The following PCDHB5 variants were observed in gnomAD, a reference collection of about 807,000 sequenced individuals.
PCDHB5 encodes the protein protocadherin beta 5.
For missense variants in PCDHB5, 1,125 were observed against 1,029.4 expected (o/e 1.09, Z -1.27); for synonymous variants, 569 against 462.2 (o/e 1.23, Z -2.96).
rs1554275952 is a variant in PCDHB5 at position 141,136,643 on chromosome 5, G to A, written c.1209G>A (p.Val403=). The part of the protein sequence containing the change: ...KPTLKNFYTL[V]TQRTLDRESQ... ...CATTAAAAAACTTTTACACCCTAGT[G>A]ACACAGAGAACACTGGACAGAGAGA... Residue 403 remains valine, a synonymous_variant, in exon 1 of 1, where the codon GTG becomes GTA. Coordinates refer to ENST00000231134, the MANE Select transcript of PCDHB5 (RefSeq NM_015669.5). 2 of 1,614,112 alleles carry A rather than the reference G, an allele frequency of 1.2e-6. No homozygotes were observed. Among genetic ancestry groups the A allele is most frequent in the South Asian group, 2.2e-5 (2 of 91,070 alleles).
In PCDHB5 at chr5:141,135,906, C is replaced by T. The variant is rs781787920; in HGVS notation, c.472C>T (p.Gln158Ter). The change falls in exon 1 of 1, where the codon CAG becomes TAG. Residue 158 changes from glutamine to a stop codon, truncating the protein, a stop_gained. Coordinates refer to ENST00000231134, the MANE Select transcript of PCDHB5 (RefSeq NM_015669.5). LOFTEE classifies it low-confidence loss of function (END_TRUNC). ...GACTGTGTTTCCCTTAAAAATAGCC[C>T]AGGACTTTGACATAGGTAGCAACAC... ...PGTVFPLKIA[Q>*]DFDIGSNTVQ... is the part of the protein sequence containing the mutation. 3.1e-6 allele frequency: 5 copies of T among 1,614,082 alleles called. No individual in the cohort carries two copies. In the South Asian group the frequency reaches 5.5e-5, roughly 18 times the overall value.
In PCDHB5 at chr5:141,136,064, A is replaced by G. The variant is rs1752563949; in HGVS notation, c.630A>G (p.Leu210=). Residue 210 remains leucine, a synonymous_variant, in exon 1 of 1, where the codon TTA becomes TTG. Coordinates refer to ENST00000231134, the MANE Select transcript of PCDHB5 (RefSeq NM_015669.5). ...GGGAGGAGCGGCCTGAGCTCAGCTT[A>G]ACACTCACTGCACTGGACGGTGGGG... ...LDREERPELS[L]TLTALDGGAP... 1.2e-6 allele frequency: 2 copies of G among 1,614,212 alleles called. No individual in the cohort carries two copies.
Position 141,136,339 on chromosome 5 carries a change from T to A in PCDHB5, c.905T>A (p.Leu302Gln), listed in dbSNP as rs1752573654. Residue 302 changes from leucine (L) to glutamine (Q), a missense_variant, in exon 1 of 1, where the codon CTG (leucine) becomes CAG (glutamine). Coordinates refer to ENST00000231134, the MANE Select transcript of PCDHB5 (RefSeq NM_015669.5). Reference sequence around the variant, plus strand: ...GACGAGAAAACAGCAGAAATTCGCCTGAAAAGGGCATTGGATTTCGAGGCA... The same window carrying A: ...GACGAGAAAACAGCAGAAATTCGCCAGAAAAGGGCATTGGATTTCGAGGCA... ...VIDEKTAEIR[L>Q]KRALDFEATP... 6.2e-7 allele frequency: 1 copy of A among 1,614,044 alleles called. No individual in the cohort carries two copies. The highest frequency in any genetic ancestry group is 8.5e-7 in the Non-Finnish European group (1 of 1,180,042).
Position 141,136,883 on chromosome 5 carries a change from C to A in PCDHB5, c.1449C>A (p.Ala483=). ...SATDRDSGTN[A]QVTYSLLPPQ... ...CAGACAGAGACTCAGGCACCAACGC[C>A]CAGGTCACCTACTCGCTGCTGCCGC... The change falls in exon 1 of 1, where the codon GCC becomes GCA. Residue 483 remains alanine (A), a synonymous_variant. Coordinates refer to ENST00000231134, the MANE Select transcript of PCDHB5 (RefSeq NM_015669.5). 6.2e-7 allele frequency: 1 copy of A among 1,612,734 alleles called. No homozygotes were observed. Among genetic ancestry groups the A allele is most frequent in the Non-Finnish European group, 8.5e-7 (1 of 1,180,030 alleles).
chr5:141,136,551 G>T lies in PCDHB5; in HGVS notation c.1117G>T (p.Asp373Tyr), dbSNP rs1554275926. Reference protein sequence around the residue: ...VVAVFSVSDPDSGDNGRMICS... With the variant: ...VVAVFSVSDPYSGDNGRMICS... ...TGCCGTTTTCAGTGTTTCTGATCCA[G>T]ACTCCGGGGACAACGGTAGGATGAT... Residue 373 changes from aspartate (D) to tyrosine (Y), a missense_variant, in exon 1 of 1, where the codon GAC becomes TAC. By Grantham distance (160) the Asp-to-Tyr change is radical (BLOSUM62 -3). Transcript: ENST00000231134. The T allele has an allele frequency of 1.2e-6, 2 of 1,614,120 alleles. No homozygotes were observed. Among genetic ancestry groups the T allele is most frequent in the African/African-American group, 2.7e-5 (2 of 75,018 alleles).
rs2149632203 is a variant in PCDHB5 at position 141,135,553 on chromosome 5, A to G, written c.119A>G (p.Glu40Gly). The G allele has an allele frequency of 3.1e-6, 5 of 1,614,190 alleles. No individual in the cohort carries two copies. The highest frequency in any genetic ancestry group is 2.2e-5 in the East Asian group (1 of 44,888). ...AVRYSIPEET[E>G]SGYSVANLAK... ...AGGTATTCCATACCAGAAGAAACAG[A>G]AAGTGGCTATTCTGTGGCCAACCTG... is the stretch of plus-strand genomic sequence containing the variant. Residue 40 changes from glutamate (E) to glycine (G), a missense_variant, in exon 1 of 1, where the codon GAA (glutamate) becomes GGA (glycine). Physicochemically the swap from Glu to Gly is moderately conservative, Grantham distance 98. Transcript: ENST00000231134.
rs782525128 is a variant in PCDHB5, at chr5:141,136,853, C to A, written c.1419C>A (p.Ser473Arg). ...CCGCCCTGCACATCGGCAGTGTCAG[C>A]GCCACAGACAGAGACTCAGGCACCA... ...NSPALHIGSV[S>R]ATDRDSGTNA... The change falls in exon 1 of 1, where the codon AGC becomes AGA. Residue 473 changes from serine to arginine, a missense_variant. Coordinates refer to ENST00000231134, the MANE Select transcript of PCDHB5 (RefSeq NM_015669.5). 16 of 1,612,860 alleles carry A rather than the reference C, an allele frequency of 9.9e-6. No individual in the cohort carries two copies. Among genetic ancestry groups the A allele is most frequent in the East Asian group, 2.2e-5 (1 of 44,892 alleles).
chr5:141,137,478 G>T lies in PCDHB5; in HGVS notation c.2044G>T (p.Ala682Ser). 1 of 1,612,668 alleles carries T rather than the reference G, an allele frequency of 6.2e-7. No homozygotes were observed. The highest frequency in any genetic ancestry group is 8.5e-7 in the Non-Finnish European group (1 of 1,179,726). ...LPEAAPAQAQADSLTVYLVVA... is the reference protein window; with the variant it reads ...LPEAAPAQAQSDSLTVYLVVA... ...GGAGGCGGCCCCGGCCCAGGCCCAG[G>T]CCGACTCGCTCACTGTCTACCTGGT... Residue 682 changes from alanine (A) to serine (S), a missense_variant, in exon 1 of 1, where the codon GCC becomes TCC. Coordinates refer to ENST00000231134, the MANE Select transcript of PCDHB5 (RefSeq NM_015669.5).
rs781982363 is a variant in PCDHB5 at position 141,136,703 on chromosome 5, C to T, written c.1269C>T (p.Thr423=). The T allele has an allele frequency of 5.0e-6, 8 of 1,613,954 alleles. No individual in the cohort carries two copies. The highest frequency in any genetic ancestry group is 2.2e-5 in the South Asian group (2 of 91,064). ...AGTACAACATCACCATCACTGTCAC[C>T]GACATGGGGACACCCAGGCTGAAAA... ...QAEYNITITV[T]DMGTPRLKTE... is the part of the protein sequence containing the mutation. Residue 423 remains threonine (T), a synonymous_variant, in exon 1 of 1, where the codon ACC becomes ACT. Coordinates refer to ENST00000231134, the MANE Select transcript of PCDHB5 (RefSeq NM_015669.5).
chr5:141,136,130 C>A lies in PCDHB5; in HGVS notation c.696C>A (p.Val232=). 1 of 1,614,146 alleles carries A rather than the reference C, an allele frequency of 6.2e-7. No homozygotes were observed. The highest frequency in any genetic ancestry group is 2.2e-5 in the East Asian group (1 of 44,886). The change falls in exon 1 of 1, where the codon GTC becomes GTA. Residue 232 remains valine, a synonymous_variant. Coordinates refer to ENST00000231134, the MANE Select transcript of PCDHB5 (RefSeq NM_015669.5). The stretch of plus-strand genomic sequence containing the variant: ...GGACCACCACAATTCGCATTGTCGT[C>A]TTGGATAATAATGACAACGCCCCCG... ...RSGTTTIRIV[V]LDNNDNAPEF...
In PCDHB5 at chr5:141,137,603, C is replaced by T. The variant is rs1554276264; in HGVS notation, c.2169C>T (p.Arg723=). Residue 723 remains arginine, a synonymous_variant, in exon 1 of 1, where the codon CGC becomes CGT. Transcript: ENST00000231134. ...GGAGCAGGGCGGCCCCGGTCGGTCG[C>T]TGCTCGGTGCCCGAGGGCCCCTTTC... ...CRRSRAAPVG[R]CSVPEGPFPG... 11 of 1,613,366 alleles carry T rather than the reference C, an allele frequency of 6.8e-6. No individual in the cohort carries two copies. Among genetic ancestry groups the T allele is most frequent in the Non-Finnish European group, 9.3e-6 (11 of 1,180,032 alleles).
chr5:141,135,246 A>G lies in PCDHB5; in HGVS notation c.-189A>G, dbSNP rs138586965. 232 of 560,938 alleles carry G rather than the reference A, an allele frequency of 4.1e-4. No individual in the cohort carries two copies. The highest frequency in any genetic ancestry group is 3.2e-3 in the African/African-American group (169 of 53,406). The allele number at this position is 560,938 out of a possible 1,614,324, so 34.7% of individuals were successfully genotyped here. Reference sequence around the variant, plus strand: ...GGGCTCTGCGGATAACTCAGACGCCATTAAGCTGGGGAATCCAAACTCTAA... The same window carrying G: ...GGGCTCTGCGGATAACTCAGACGCCGTTAAGCTGGGGAATCCAAACTCTAA... On this transcript the variant is annotated 5_prime_UTR_variant, in exon 1 of 1. Coordinates refer to ENST00000231134, the MANE Select transcript of PCDHB5 (RefSeq NM_015669.5).
chr5:141,137,529 C>T lies in PCDHB5; in HGVS notation c.2095C>T (p.Leu699Phe), dbSNP rs139660958. The T allele has an allele frequency of 0.02, 32,506 of 1,612,726 alleles. 413 individuals are homozygous for T. Among genetic ancestry groups the T allele is most frequent in the Non-Finnish European group, 0.024 (28,858 of 1,179,886 alleles). The change falls in exon 1 of 1, where the codon CTC becomes TTC. Residue 699 changes from leucine (L) to phenylalanine (F), a missense_variant. Leu to Phe is a conservative substitution (Grantham distance 22). Coordinates refer to ENST00000231134, the MANE Select transcript of PCDHB5 (RefSeq NM_015669.5). ...GGTGGCATTGGCCTCGGTGTCGTCGCTCTTCCTCTTTTCGGTGCTCCTGTT... is the reference window on the plus strand; with the variant it reads ...GGTGGCATTGGCCTCGGTGTCGTCGTTCTTCCTCTTTTCGGTGCTCCTGTT... ...LVVALASVSS[L>F]FLFSVLLFVA... is the part of the protein sequence containing the mutation.
Position 141,136,996 on chromosome 5 carries a change from A to G in PCDHB5, c.1562A>G (p.Glu521Gly). The change falls in exon 1 of 1, where the codon GAG becomes GGG. Residue 521 changes from glutamate to glycine, a missense_variant. Coordinates refer to ENST00000231134, the MANE Select transcript of PCDHB5 (RefSeq NM_015669.5). ...TTTGCCCTCAGGTCGCTGGACTACG[A>G]GGCCCTGCAGGCGTTCGAGTTCCGC... The part of the protein sequence containing the change: ...HLFALRSLDY[E>G]ALQAFEFRVG... 1.2e-6 allele frequency: 2 copies of G among 1,612,292 alleles called. No homozygotes were observed. The highest frequency in any genetic ancestry group is 1.7e-6 in the Non-Finnish European group (2 of 1,179,880).
Position 141,136,003 on chromosome 5 carries a change from A to C in PCDHB5, c.569A>C (p.Lys190Thr), listed in dbSNP as rs782517226. 3 of 1,614,120 alleles carry C rather than the reference A, an allele frequency of 1.9e-6. No homozygotes were observed. The highest frequency in any genetic ancestry group is 3.3e-5 in the Admixed American group (2 of 60,012). ...ACGCATAATCGCGGAGATGGCAGAA[A>C]ATACCCAGAGCTGGTGCTGGACAAA... is the stretch of plus-strand genomic sequence containing the variant. ...VATHNRGDGRKYPELVLDKAL... is the reference protein window; with the variant it reads ...VATHNRGDGRTYPELVLDKAL... The change falls in exon 1 of 1, where the codon AAA (lysine) becomes ACA (threonine). Residue 190 changes from lysine (K) to threonine (T), a missense_variant. Coordinates refer to ENST00000231134, the MANE Select transcript of PCDHB5 (RefSeq NM_015669.5).
Position 141,137,183 on chromosome 5 carries a change from C to T in PCDHB5, c.1749C>T (p.Tyr583=). ...TGCCCCGGGCGGCCGAGCCGGGCTA[C>T]CTGGTGACCAAGGTGGTGGCGGTGG... ...ELVPRAAEPG[Y]LVTKVVAVDG... Residue 583 remains tyrosine (Y), a synonymous_variant, in exon 1 of 1, where the codon TAC becomes TAT. Coordinates refer to ENST00000231134, the MANE Select transcript of PCDHB5 (RefSeq NM_015669.5). 6.2e-7 allele frequency: 1 copy of T among 1,611,026 alleles called. No homozygotes were observed. The highest frequency in any genetic ancestry group is 8.5e-7 in the Non-Finnish European group (1 of 1,179,616).
Position 141,136,880 on chromosome 5 carries a change from C to T in PCDHB5, c.1446C>T (p.Asn482=), listed in dbSNP as rs782033586. 5 of 1,612,668 alleles carry T rather than the reference C, an allele frequency of 3.1e-6. No homozygotes were observed. The highest frequency in any genetic ancestry group is 4.5e-5 in the East Asian group (2 of 44,886). Residue 482 remains asparagine (N), a synonymous_variant, in exon 1 of 1, where the codon AAC becomes AAT. Coordinates refer to ENST00000231134, the MANE Select transcript of PCDHB5 (RefSeq NM_015669.5). ...VSATDRDSGT[N]AQVTYSLLPP... The stretch of plus-strand genomic sequence containing the variant: ...CCACAGACAGAGACTCAGGCACCAA[C>T]GCCCAGGTCACCTACTCGCTGCTGC...
chr5:141,136,648 A>G lies in PCDHB5; in HGVS notation c.1214A>G (p.Gln405Arg). The change falls in exon 1 of 1, where the codon CAG becomes CGG. Residue 405 changes from glutamine to arginine, a missense_variant. Coordinates refer to ENST00000231134, the MANE Select transcript of PCDHB5 (RefSeq NM_015669.5). ...TLKNFYTLVT[Q>R]RTLDRESQAE... Reference sequence around the variant, plus strand: ...AAAAACTTTTACACCCTAGTGACACAGAGAACACTGGACAGAGAGAGCCAA... The same window carrying G: ...AAAAACTTTTACACCCTAGTGACACGGAGAACACTGGACAGAGAGAGCCAA... 1.2e-6 allele frequency: 2 copies of G among 1,614,166 alleles called. No individual in the cohort carries two copies. Among genetic ancestry groups the G allele is most frequent in the Non-Finnish European group, 1.7e-6 (2 of 1,180,020 alleles).
In PCDHB5 at chr5:141,136,829, C is replaced by A. The variant is rs246727; in HGVS notation, c.1395C>A (p.Pro465=). Residue 465 remains proline, a synonymous_variant, in exon 1 of 1, where the codon CCC becomes CCA. Coordinates refer to ENST00000231134, the MANE Select transcript of PCDHB5 (RefSeq NM_015669.5). ...TGTTCGTCCGAGAGAACAACAGCCC[C>A]GCCCTGCACATCGGCAGTGTCAGCG... ...YTLFVRENNS[P]ALHIGSVSAT... The A allele has an allele frequency of 6.2e-7, 1 of 1,613,354 alleles. No homozygotes were observed. Among genetic ancestry groups the A allele is most frequent in the Non-Finnish European group, 8.5e-7 (1 of 1,180,036 alleles).
Sources: gnomAD v4.1 joint callset for allele counts on GRCh38, gnomAD v4.1.1 for gene constraint, MANE v1.5 for transcripts, NCBI Gene and HGNC (gene_info 2026-07-23, HGNC 2026-07-21) for gene names.